The following AP3B2 variants were observed in gnomAD, a reference collection of about 807,000 sequenced individuals.
AP3B2 encodes the protein AP-3 complex subunit beta-2.
A neutral mutation model predicts 126.9 loss-of-function variants in AP3B2; 50 were observed. The observed-to-expected ratio is 0.39, with a 90% CI of 0.31 to 0.50. AP3B2 has a LOEUF of 0.50. Ranked by LOEUF, AP3B2 falls within the 20% of genes least tolerant of loss-of-function variation. AP3B2 has a pLI of 0.79. For synonymous variants in AP3B2, 541 were observed against 565.0 expected, an observed-to-expected ratio of 0.96 and a Z score of 0.60; for missense variants, 1,177 against 1,426.4, an observed-to-expected ratio of 0.83 and a Z score of 2.82.
chr15:82,659,824 C>A, intron 26 of AP3B2, 21 bp downstream of exon 26: 1 of 1,612,714 alleles, frequency 6.2e-7, no homozygotes, highest in Non-Finnish European at 8.5e-7. Flanking sequence ...CATCATTTCC[C>A]CTCTACTGGT....
At chr15:82,696,867 G>A (rs1182822026) in intron 1 of AP3B2, among the ~76,000 whole-genome samples, 3 of 152,190 alleles carry the variant, frequency 2.0e-5, no homozygotes, top group African/African-American at 4.8e-5. Context: ...ATATATAGCT[G>A]ATAGAATTGT....
chr15:82,663,089 C>T (rs756396156), intron 22 of AP3B2, 38 bp downstream of exon 22: 1 of 1,558,142 alleles, frequency 6.4e-7, no homozygotes, highest in Non-Finnish European at 8.7e-7. Context: ...AGGGATGTGT[C>T]CCTGCCCCAG....
chr15:82,660,007 G>T, intron 25 of AP3B2, 24 bp from the exon 26 acceptor site: 1 of 1,612,456 alleles, frequency 6.2e-7, no homozygotes. Context: ...TCGTGATGAG[G>T]GCAGAGGCCA....
In AP3B2 at chr15:82,709,728, C is replaced by G; in HGVS notation, c.-22G>C. 6.9e-7 allele frequency: 1 copy of G among 1,455,414 alleles called. No homozygotes were observed. Among genetic ancestry groups the G allele is most frequent in the South Asian group, 1.3e-5 (1 of 77,106 alleles). 90.2% of individuals were successfully genotyped at this position (1,455,414 alleles called of 1,614,324 possible). On this transcript the variant is annotated 5_prime_UTR_variant, in exon 1 of 27. Coordinates refer to ENST00000535359, the MANE Select transcript of AP3B2 (RefSeq NM_001278512.2). ...ACATGGGGCGGCCAGGGAGACTTCG[C>G]CGAGGAGGAGGTTGCGGGGCCGGAG...
intron 4 of AP3B2, chr15:82,688,358 T>C (rs1361515158): frequency 2.9e-6 from 2 of 695,444 alleles, no homozygotes; most frequent in Non-Finnish European, 5.3e-6. Context: ...TGCTAAAGGT[T>C]GAAATCTACC....
intron 24 of AP3B2, 45 bp downstream of exon 24, chr15:82,662,123 C>G (rs774338930): frequency 1.3e-6 from 2 of 1,530,044 alleles, no homozygotes; most frequent in Non-Finnish European, 1.8e-6. Context: ...TACCCTGTCC[C>G]TTTCCAGCCC....
intron 12 of AP3B2, 30 bp from the exon 13 acceptor site, chr15:82,677,413 C>G (rs1327924155): frequency 1.3e-6 from 2 of 1,593,962 alleles, no homozygotes; most frequent in East Asian, 4.5e-5. Flanking sequence ...GTGTGGACCC[C>G]AAGACAGTCA....
Position 82,679,765 on chromosome 15 carries a change from G to T in AP3B2, c.1146C>A (p.Ile382=), listed in dbSNP as rs2048302570. The change falls in exon 10 of 27, where the codon ATC becomes ATA. Residue 382 remains isoleucine (I), a synonymous_variant. Transcript: ENST00000535359. ...MFEPYLKSFY[I]RSTDPTQIKI... Reference sequence around the variant, plus strand: ...TAATCTGGGTGGGGTCGGTGGACCTGATGTAGAAGCTCTTCAGGTAGGGCT... The same window carrying T: ...TAATCTGGGTGGGGTCGGTGGACCTTATGTAGAAGCTCTTCAGGTAGGGCT... 6.2e-7 allele frequency: 1 copy of T among 1,613,774 alleles called. No homozygotes were observed. Among genetic ancestry groups the T allele is most frequent in the African/African-American group, 1.3e-5 (1 of 74,892 alleles).
At chr15:82,662,968 G>C (rs1294754507) in intron 22 of AP3B2, 46 bp from the exon 23 acceptor site, 4 of 1,580,002 alleles carry the variant, frequency 2.5e-6, no homozygotes, top group Non-Finnish European at 2.6e-6. Flanking sequence ...AAGATGGAGA[G>C]AGCCTGTCCC....
Position 82,681,327 on chromosome 15 carries a change from A to G in AP3B2, c.521+93T>C, listed in dbSNP as rs1404085967. 7.0e-6 allele frequency: 11 copies of G among 1,562,922 alleles called. No homozygotes were observed. The highest frequency in any genetic ancestry group is 8.7e-6 in the Non-Finnish European group (10 of 1,148,644). On this transcript the variant is annotated intron_variant, in intron 5 of 26. Transcript: ENST00000535359. This position sits in a 1 kb window ranked among gnomAD's most constrained non-coding sequence, Gnocchi z 4.0. ...CAAACTACCCTCCTCAAACCCTCTG[A>G]GAAGCAGCAGGCAAGACTTAGGAAA...
Position 82,709,607 on chromosome 15 carries a change from A to G in AP3B2, c.100T>C (p.Ser34Pro), listed in dbSNP as rs1458171322. The part of the protein sequence containing the change: ...HDPASGGIFS[S>P]DYKRHDDLKE... ...GGGCTCCCTCACCGCTTGTAGTCGG[A>G]GGAGAAGATGCCGCCGCTCGCGGGG... The change falls in exon 1 of 27, where the codon TCC becomes CCC. Residue 34 changes from serine (S) to proline (P), a missense_variant. This residue lies in a region of AP3B2 where 130 missense variants were observed against 262.0 expected (regional missense o/e 0.50). Coordinates refer to ENST00000535359, the MANE Select transcript of AP3B2 (RefSeq NM_001278512.2). 9.3e-6 allele frequency: 14 copies of G among 1,511,046 alleles called. No homozygotes were observed. Among genetic ancestry groups the G allele is most frequent in the Admixed American group, 2.1e-5 (1 of 47,662 alleles). The allele number at this position is 1,511,046 out of a possible 1,614,324, so 93.6% of individuals were successfully genotyped here.
intron 15 of AP3B2, among the ~76,000 whole-genome samples, chr15:82,666,074 A>G (rs1262534191): frequency 6.6e-6 from 1 of 152,190 alleles, no homozygotes; most frequent in Non-Finnish European, 1.5e-5. Context: ...GAATCTCCCC[A>G]TTCGTGAGGT....
rs750101148 is a variant in AP3B2 at position 82,664,444 on chromosome 15, G to T, written c.2184C>A (p.Ser728Arg). Reference protein sequence around the residue: ...SESDSKSSSESGSGESSSESD... With the variant: ...SESDSKSSSERGSGESSSESD... ...ACTCACTGCTGGACTCCCCAGAGCCGCTCTCACTGCTGCTCTTACTGTCCG... is the reference window on the plus strand; with the variant it reads ...ACTCACTGCTGGACTCCCCAGAGCCTCTCTCACTGCTGCTCTTACTGTCCG... The change falls in exon 19 of 27, where the codon AGC (serine) becomes AGA (arginine). Residue 728 changes from serine (S) to arginine (R), a missense_variant. Ser to Arg is a moderately radical substitution (Grantham distance 110). Around this residue, in one of 5 missense-constraint regions of AP3B2, gnomAD observed 587 missense variants for 571.3 expected, o/e 1.03. Transcript: ENST00000535359. This position sits in a 1 kb window ranked among gnomAD's most constrained non-coding sequence, Gnocchi z 4.5. 6.2e-7 allele frequency: 1 copy of T among 1,613,806 alleles called. No homozygotes were observed. Among genetic ancestry groups the T allele is most frequent in the Admixed American group, 1.7e-5 (1 of 60,018 alleles).
intron 13 of AP3B2, 124 bp downstream of exon 13, chr15:82,677,150 C>G (rs2048256069): frequency 2.4e-6 from 2 of 821,024 alleles, no homozygotes; most frequent in South Asian, 1.7e-5. Flanking sequence ...TGTCTCTGCT[C>G]CTTCCACCTG....
chr15:82,680,561 C>T lies in AP3B2; in HGVS notation c.966G>A (p.Met322Ile), dbSNP rs746907595. 2 of 1,577,968 alleles carry T rather than the reference C, an allele frequency of 1.3e-6. No individual in the cohort carries two copies. The highest frequency in any genetic ancestry group is 1.7e-6 in the Non-Finnish European group (2 of 1,169,380). Reference protein sequence around the residue: ...LLQSRSAAVVMAVAQLYFHLA... With the variant: ...LLQSRSAAVVIAVAQLYFHLA... The stretch of plus-strand genomic sequence containing the variant: ...GGTGGAAGTAGAGCTGCGCCACCGC[C>T]ATCACCACCGCGGCGCTGCGGCTCT... Residue 322 changes from methionine (M) to isoleucine (I), a missense_variant, in exon 8 of 27, where the codon ATG (methionine) becomes ATA (isoleucine). Met to Ile is a conservative substitution (Grantham distance 10, BLOSUM62 1). Around this residue, in one of 5 missense-constraint regions of AP3B2, gnomAD observed 308 missense variants for 452.4 expected, o/e 0.68. Transcript: ENST00000535359. The surrounding 1 kb of genome is among the most constrained non-coding windows in gnomAD (Gnocchi z 6.1).
chr15:82,673,107 G>A (rs1022644619), intron 14 of AP3B2, among the ~76,000 whole-genome samples: 8 of 152,168 alleles, frequency 5.3e-5, no homozygotes, highest in Admixed American at 2.0e-4. Context: ...GAAAATAAAC[G>A]TGTGTTGTTT....
rs1294295444 is a variant in AP3B2 at position 82,663,962 on chromosome 15, C to T, written c.2275G>A (p.Glu759Lys). The T allele has an allele frequency of 6.2e-7, 1 of 1,604,414 alleles. No homozygotes were observed. Among genetic ancestry groups the T allele is most frequent in the South Asian group, 1.1e-5 (1 of 90,954 alleles). ...GRGSESEQSEEDGKRKTKKKV... is the reference protein window; with the variant it reads ...GRGSESEQSEKDGKRKTKKKV... ...TTCTTTGTCTTCCTCTTACCATCCT[C>T]CTCACTCTGTTCACTGAAGGAGTGG... Residue 759 changes from glutamate (E) to lysine (K), a missense_variant, in exon 20 of 27, where the codon GAG becomes AAG. Coordinates refer to ENST00000535359, the MANE Select transcript of AP3B2 (RefSeq NM_001278512.2).
At chr15:82,676,420 T>G in intron 14 of AP3B2, 41 bp downstream of exon 14, 1 of 1,601,550 alleles carries the variant, frequency 6.2e-7, no homozygotes, top group South Asian at 1.1e-5. Context: ...AGGGAGTTTC[T>G]GGGGACCAGA....
At chr15:82,676,667 G>T in intron 13 of AP3B2, 30 bp from the exon 14 acceptor site, 1 of 1,609,652 alleles carries the variant, frequency 6.2e-7, no homozygotes, top group Non-Finnish European at 8.5e-7. Flanking sequence ...GTGAAGATGG[G>T]TAAATACGGG....
Sources: gnomAD v4.1 joint callset for allele counts (sites outside exome capture counted in the v4.1 genomes callset) on GRCh38, gnomAD v4.1.1 for gene constraint, gnomAD v4.1.1 regional missense constraint, Gnocchi (gnomAD v3.1) non-coding constraint, MANE v1.5 for transcripts, NCBI Gene and HGNC (gene_info 2026-07-23, HGNC 2026-07-21) for gene names.